Variants in NTNG1 observed in about 807,000 individuals in gnomAD.
NTNG1 encodes the protein netrin-G1.
NTNG1 carries 16 observed loss-of-function variants against 54.0 expected under a neutral mutation model. The ratio of observed to expected loss-of-function variants is 0.30; its 90% CI spans 0.20 to 0.45. NTNG1 has a LOEUF of 0.45. Ranked by LOEUF, NTNG1 falls within the 20% of genes least tolerant of loss-of-function variation. The probability of loss-of-function intolerance (pLI) is 1.00; values close to 1 mark genes in which losing one functional copy is unlikely to be tolerated. For synonymous variants in NTNG1, 255 were observed against 263.1 expected, an observed-to-expected ratio of 0.97 and a Z score of 0.30; for missense variants, 530 against 678.7, an observed-to-expected ratio of 0.78 and a Z score of 2.43.
At chr1:107,445,589 C>G (rs1036523059) in intron 7 of NTNG1, among the ~76,000 whole-genome samples, 1 of 152,058 alleles carries the variant, frequency 6.6e-6, no homozygotes, top group South Asian at 2.1e-4. Context: ...AAGTAGCACA[C>G]CAGTTATTAG....
chr1:107,149,346 T>C (rs1654385218), intron 2 of NTNG1, among the ~76,000 whole-genome samples: 1 of 152,062 alleles, frequency 6.6e-6, no homozygotes, highest in Admixed American at 6.6e-5. Context: ...GGTTAGGAGA[T>C]CAGCAAGAAA....
At chr1:107,260,232 T>A (rs921966390) in intron 2 of NTNG1, among the ~76,000 whole-genome samples, 1 of 152,242 alleles carries the variant, frequency 6.6e-6, no homozygotes, top group Admixed American at 6.5e-5. Context: ...TTTCCAGATA[T>A]CCTACTTGAA....
At chr1:107,207,761 A>T (rs1659303800) in intron 2 of NTNG1, among the ~76,000 whole-genome samples, 1 of 152,186 alleles carries the variant, frequency 6.6e-6, no homozygotes, top group Non-Finnish European at 1.5e-5. Context: ...GTGATAAGAG[A>T]TACTTTCGTA....
intron 2 of NTNG1, among the ~76,000 whole-genome samples, chr1:107,223,236 G>A (rs1039275683): frequency 3.9e-5 from 6 of 151,972 alleles, no homozygotes; most frequent in African/African-American, 1.2e-4. Context: ...AAAAGGAGGC[G>A]AGAACACGCA....
In NTNG1 at chr1:107,417,696, C is replaced by T. The variant is rs185973605; in HGVS notation, c.1087+9988C>T. Among the ~76,000 whole-genome samples, 51 of 152,182 alleles carry T rather than the reference C, an allele frequency of 3.4e-4. 1 individual carries two copies. In the East Asian group the frequency reaches 3.9e-3, roughly 12 times the overall value. On this transcript the variant is annotated intron_variant, in intron 5 of 7. Transcript: ENST00000370068. ...GGACCTGGGTGGTACCAAAGGACAACACAAGAGATGTGGTTTTGAGACTGG... is the reference window on the plus strand; with the variant it reads ...GGACCTGGGTGGTACCAAAGGACAATACAAGAGATGTGGTTTTGAGACTGG...
intron 7 of NTNG1, among the ~76,000 whole-genome samples, chr1:107,437,563 A>G (rs1272408042): frequency 6.6e-6 from 1 of 152,218 alleles, no homozygotes; most frequent in Middle Eastern, 3.2e-3. Flanking sequence ...GTATTTTGCT[A>G]GTATTAAAGC....
chr1:107,376,788 C>A (rs1306687735), intron 3 of NTNG1, among the ~76,000 whole-genome samples: 1 of 152,138 alleles, frequency 6.6e-6, no homozygotes, highest in Admixed American at 6.5e-5. Flanking sequence ...TTGGTCCCAG[C>A]TTCCAGTCTT....
At chr1:107,332,325 G>A (rs954519552) in intron 3 of NTNG1, among the ~76,000 whole-genome samples, 8 of 151,812 alleles carry the variant, frequency 5.3e-5, no homozygotes, top group Admixed American at 2.6e-4. Flanking sequence ...TAAGCTAGTG[G>A]GTCGTTAAAG....
intron 4 of NTNG1, among the ~76,000 whole-genome samples, chr1:107,401,375 C>T (rs954848637): frequency 6.6e-6 from 1 of 152,166 alleles, no homozygotes; most frequent in African/African-American, 2.4e-5. Context: ...TATTCAGGTA[C>T]AACCACTGAT....
chr1:107,249,211 C>T lies in NTNG1; in HGVS notation c.247-75071C>T, dbSNP rs191778324. Among the ~76,000 whole-genome samples the T allele has an allele frequency of 4.3e-3, 653 of 150,802 alleles. 5 individuals are homozygous for T. Among genetic ancestry groups the T allele is most frequent in the African/African-American group, 0.015 (616 of 41,196 alleles). ...AAAAGTTAGTTTGGGTAAGGCCGGG[C>T]ACGGTGGCTCACACCTGTAATCCCA... On this transcript the variant is annotated intron_variant, in intron 2 of 7. Transcript: ENST00000370068.
chr1:107,167,269 T>G (rs1202570146), intron 2 of NTNG1, among the ~76,000 whole-genome samples: 1 of 151,996 alleles, frequency 6.6e-6, no homozygotes, highest in Non-Finnish European at 1.5e-5. Context: ...AATTTATGCA[T>G]GTTCACCGAG....
chr1:107,413,167 CA>C (rs1673951312), intron 5 of NTNG1, among the ~76,000 whole-genome samples: 1 of 129,556 alleles, frequency 7.7e-6, no homozygotes, highest in African/African-American at 2.9e-5. Context: ...TTTTTTTTTT[CA>C]TTTTTTTTTT....
At chr1:107,197,762 C>T (rs1171186228) in intron 2 of NTNG1, among the ~76,000 whole-genome samples, 1 of 151,956 alleles carries the variant, frequency 6.6e-6, no homozygotes, top group African/African-American at 2.4e-5. Flanking sequence ...TTTTCTTTCT[C>T]TGTGTGGCAC....
chr1:107,432,227 CT>C (rs901783381), intron 6 of NTNG1, among the ~76,000 whole-genome samples: 33 of 152,126 alleles, frequency 2.2e-4, no homozygotes, highest in African/African-American at 8.0e-4. Flanking sequence ...ACAGGAAACC[CT>C]TGGTCAACTG....
At chr1:107,168,395 G>A (rs1181893533) in intron 2 of NTNG1, among the ~76,000 whole-genome samples, 1 of 151,878 alleles carries the variant, frequency 6.6e-6, no homozygotes, top group Non-Finnish European at 1.5e-5. Context: ...GTATTTTTCT[G>A]ATATATAAAT....
intron 3 of NTNG1, among the ~76,000 whole-genome samples, chr1:107,330,049 T>C (rs1378655259): frequency 6.6e-6 from 1 of 152,100 alleles, no homozygotes; most frequent in Non-Finnish European, 1.5e-5. Context: ...TGTCTTGAAA[T>C]ATGGGTTTTA....
At chr1:107,331,632 A>C (rs943399822) in intron 3 of NTNG1, among the ~76,000 whole-genome samples, 2 of 152,144 alleles carry the variant, frequency 1.3e-5, no homozygotes, top group African/African-American at 4.8e-5. Context: ...ACTAATGGGC[A>C]TCATCAAACA....
chr1:107,451,498 C>T (rs190458314), intron 7 of NTNG1, among the ~76,000 whole-genome samples: 196 of 152,240 alleles, frequency 1.3e-3, no homozygotes, highest in Non-Finnish European at 2.1e-3. Flanking sequence ...TGACTGTCAT[C>T]GGCAGCACAC....
At chr1:107,298,562 T>A (rs2101795089) in intron 2 of NTNG1, among the ~76,000 whole-genome samples, 1 of 152,104 alleles carries the variant, frequency 6.6e-6, no homozygotes, top group South Asian at 2.1e-4. Context: ...AAGAAAAGGG[T>A]CTTACATCTT....
Sources: allele counts gnomAD v4.1 joint callset (sites outside exome capture counted in the v4.1 genomes callset), GRCh38; gene constraint gnomAD v4.1.1; transcripts MANE v1.5; gene names NCBI Gene and HGNC (gene_info 2026-07-23, HGNC 2026-07-21).